Variants in CPXM2 observed in about 807,000 individuals in gnomAD.
CPXM2 encodes the protein inactive carboxypeptidase-like protein X2.
Under a neutral mutation model 86.1 loss-of-function variants are expected in CPXM2, and 66 were observed. The ratio of observed to expected loss-of-function variants is 0.77; its 90% CI spans 0.63 to 0.94. The LOEUF (loss-of-function observed/expected upper bound fraction) is 0.94, where lower values mean the gene tolerates loss of function less well. CPXM2 is among the 40% of genes least tolerant of loss of function. The pLI, the probability that CPXM2 is intolerant of heterozygous loss-of-function variation, is 0.00. For synonymous variants in CPXM2, 388 were observed against 400.2 expected, an observed-to-expected ratio of 0.97 and a Z score of 0.36; for missense variants, 948 against 1,026.3, an observed-to-expected ratio of 0.92 and a Z score of 1.04.
chr10:123,748,631 G>T (rs1222355311), intron 13 of CPXM2, among the ~76,000 whole-genome samples: 5 of 152,046 alleles, frequency 3.3e-5, no homozygotes, highest in Non-Finnish European at 7.4e-5. Context: ...CAGGTGGGCG[G>T]CTCCCTGGCA....
intron 7 of CPXM2, among the ~76,000 whole-genome samples, chr10:123,779,710 T>C (rs1388714902): frequency 6.6e-6 from 1 of 152,166 alleles, no homozygotes; most frequent in Non-Finnish European, 1.5e-5. Context: ...TGTTTTCCCA[T>C]CTGTAGATAA....
chr10:123,879,291 G>A (rs971469815), intron 2 of CPXM2, among the ~76,000 whole-genome samples: 2 of 152,196 alleles, frequency 1.3e-5, no homozygotes, highest in African/African-American at 4.8e-5. Flanking sequence ...TCACATGGCA[G>A]CTAAAGTCCT....
intron 6 of CPXM2, among the ~76,000 whole-genome samples, chr10:123,793,125 G>A (rs1366530091): frequency 6.6e-6 from 1 of 152,238 alleles, no homozygotes; most frequent in East Asian, 1.9e-4. Flanking sequence ...GTAAACCATA[G>A]AACATCTGCA....
chr10:123,822,297 A>T (rs1276983666), intron 4 of CPXM2, among the ~76,000 whole-genome samples: 3 of 152,200 alleles, frequency 2.0e-5, no homozygotes, highest in Non-Finnish European at 4.4e-5. Flanking sequence ...TTCTCATACT[A>T]GCATATAAGC....
rs115443304 is a variant in CPXM2, at chr10:123,829,411, G to T, written c.653+12938C>A. Among the ~76,000 whole-genome samples the T allele has an allele frequency of 4.3e-3, 637 of 148,186 alleles. 5 individuals are homozygous for T. The highest frequency in any genetic ancestry group is 0.015 in the African/African-American group (585 of 39,592). Reference sequence around the variant, plus strand: ...TTTTGAGACAGAGTCTCCCTCTATTGCCTCGGCCTCCCAAAGTGCTGGGTT... The same window carrying T: ...TTTTGAGACAGAGTCTCCCTCTATTTCCTCGGCCTCCCAAAGTGCTGGGTT... On this transcript the variant is annotated intron_variant, in intron 4 of 13. Transcript: ENST00000241305.
upstream of CPXM2, among the ~76,000 whole-genome samples, chr10:123,943,756 G>A (rs1191930019): frequency 6.6e-6 from 1 of 152,204 alleles, no homozygotes; most frequent in Non-Finnish European, 1.5e-5. Flanking sequence ...CGGTGGGGCT[G>A]TCTGGCGCAA....
At chr10:123,925,979 G>A (rs914296287) in intron 2 of CPXM2, among the ~76,000 whole-genome samples, 5 of 152,156 alleles carry the variant, frequency 3.3e-5, no homozygotes, top group African/African-American at 4.8e-5. Context: ...ACATATGTAA[G>A]CATATCATGC....
At chr10:123,942,287 C>A (rs9422301), upstream of CPXM2, among the ~76,000 whole-genome samples, 2 of 151,828 alleles carry the variant, frequency 1.3e-5, no homozygotes, top group African/African-American at 2.4e-5. Flanking sequence ...CTGGGTAAAC[C>A]GAGGGTAAAA....
At chr10:123,838,007 T>C (rs1255436273) in intron 4 of CPXM2, among the ~76,000 whole-genome samples, 1 of 152,244 alleles carries the variant, frequency 6.6e-6, no homozygotes, top group African/African-American at 2.4e-5. Context: ...GGTATTGGAC[T>C]CTTCCACTAG....
intron 8 of CPXM2, among the ~76,000 whole-genome samples, 168 bp from the exon 9 acceptor site, chr10:123,768,890 T>C (rs1465413813): frequency 6.6e-6 from 1 of 152,222 alleles, no homozygotes; most frequent in Admixed American, 6.5e-5. Context: ...ACAACTGTCT[T>C]ATTCCCAGAC....
At chr10:123,926,101 C>T (rs572634358) in intron 2 of CPXM2, among the ~76,000 whole-genome samples, 48 of 152,354 alleles carry the variant, frequency 3.2e-4, no homozygotes, top group African/African-American at 1.1e-3. Flanking sequence ...TGGCAGATTC[C>T]AAGCGGGCCA....
At chr10:123,933,213 T>C (rs1269794436) in intron 2 of CPXM2, among the ~76,000 whole-genome samples, 2 of 152,152 alleles carry the variant, frequency 1.3e-5, no homozygotes, top group African/African-American at 2.4e-5. Context: ...CACAATGCCA[T>C]GTTGCAGCAA....
intron 2 of CPXM2, among the ~76,000 whole-genome samples, chr10:123,863,333 G>A (rs958665967): frequency 6.6e-6 from 1 of 152,216 alleles, no homozygotes; most frequent in African/African-American, 2.4e-5. Context: ...GAGTGGTGGA[G>A]CATTTAGTGA....
intron 8 of CPXM2, among the ~76,000 whole-genome samples, chr10:123,770,416 C>A (rs1846600885): frequency 6.6e-6 from 1 of 152,228 alleles, no homozygotes; most frequent in South Asian, 2.1e-4. Context: ...AAACAGCTCC[C>A]AGATTTACCA....
intron 13 of CPXM2, chr10:123,752,577 C>T (rs575447099): frequency 1.0e-6 from 1 of 985,348 alleles, no homozygotes; most frequent in East Asian, 1.1e-4. Flanking sequence ...TCCTAATGTC[C>T]CAAAGTCTGC....
rs182896755 is a variant in CPXM2, at chr10:123,929,807, C to T, written n.174+9670G>A. Among the ~76,000 whole-genome samples, 501 of 152,310 alleles carry T rather than the reference C, an allele frequency of 3.3e-3. 7 individuals carry two copies. Among genetic ancestry groups the T allele is most frequent in the African/African-American group, 0.011 (461 of 41,578 alleles). On this transcript the variant is annotated intron_variant and non_coding_transcript_variant, in intron 2 of 19. Transcript: ENST00000368854. ...TGTGCACCCACACAGATACACAGCC[C>T]GCCCCTGCCAGCTCTGGATCCCTGC... is the stretch of plus-strand genomic sequence containing the variant.
intron 2 of CPXM2, among the ~76,000 whole-genome samples, chr10:123,903,633 C>T (rs1309257256): frequency 2.0e-5 from 3 of 152,200 alleles, no homozygotes; most frequent in Admixed American, 1.3e-4. Context: ...AGAGGACTCT[C>T]ATTCCCATGA....
intron 1 of CPXM2, among the ~76,000 whole-genome samples, chr10:123,882,793 C>T (rs1554889052): frequency 2.0e-5 from 3 of 147,720 alleles, no homozygotes; most frequent in Non-Finnish European, 4.5e-5. Context: ...CCCCCCCCAC[C>T]ATAACACCAT....
intron 4 of CPXM2, among the ~76,000 whole-genome samples, chr10:123,813,591 C>T (rs1175007114): frequency 6.6e-6 from 1 of 152,212 alleles, no homozygotes; most frequent in African/African-American, 2.4e-5. Context: ...TTCTCCATCA[C>T]TTGCATATAA....
Sources: allele counts gnomAD v4.1 joint callset (sites outside exome capture counted in the v4.1 genomes callset), GRCh38; gene constraint gnomAD v4.1.1; transcripts MANE v1.5; gene names NCBI Gene and HGNC (gene_info 2026-07-23, HGNC 2026-07-21).